Variants in ADARB2 observed in about 807,000 individuals in gnomAD.
ADARB2 encodes the protein adenosine deaminase RNA specific B2 (inactive).
Under a neutral mutation model 62.2 loss-of-function variants are expected in ADARB2, and 25 were observed. The observed-to-expected ratio is 0.40, with a 90% CI of 0.29 to 0.56. The LOEUF (loss-of-function observed/expected upper bound fraction) is 0.56, where lower values mean the gene tolerates loss of function less well. Ranked by LOEUF, ADARB2 falls within the 20% of genes least tolerant of loss-of-function variation. The pLI, the probability that ADARB2 is intolerant of heterozygous loss-of-function variation, is 0.43. For synonymous variants in ADARB2, 572 were observed against 500.8 expected (o/e 1.14, Z -1.90); for missense variants, 1,071 against 1,077.4 (o/e 0.99, Z 0.08).
chr10:1,379,222 T>C, intron 1 of ADARB2, 62 bp from the exon 2 acceptor site: 2 of 1,315,960 alleles, frequency 1.5e-6, no homozygotes, highest in Non-Finnish European at 2.2e-6. Flanking sequence ...CTCAATGCTT[T>C]TATAAGTTCT....
chr10:1,672,883 G>T (rs1834409785), intron 1 of ADARB2, among the ~76,000 whole-genome samples: 1 of 152,212 alleles, frequency 6.6e-6, no homozygotes, highest in South Asian at 2.1e-4. Flanking sequence ...GCTAGAAATG[G>T]AGAGTAATTA....
At chr10:1,522,841 C>G (rs1371166149) in intron 1 of ADARB2, among the ~76,000 whole-genome samples, 1 of 152,202 alleles carries the variant, frequency 6.6e-6, no homozygotes. Flanking sequence ...GGCCAGGCCC[C>G]TTCATGCTGG....
chr10:1,730,795 T>G (rs988634274), intron 1 of ADARB2, among the ~76,000 whole-genome samples: 2 of 152,212 alleles, frequency 1.3e-5, no homozygotes, highest in African/African-American at 4.8e-5. Flanking sequence ...GAACGTTAAC[T>G]ATTGATCATT....
intron 1 of ADARB2, among the ~76,000 whole-genome samples, chr10:1,452,080 C>A (rs1254738326): frequency 6.6e-6 from 1 of 152,180 alleles, no homozygotes; most frequent in Non-Finnish European, 1.5e-5. Context: ...TGCACCCCTG[C>A]TGGTCAGAGC....
At chr10:1,531,472 T>G (rs1029594367) in intron 1 of ADARB2, among the ~76,000 whole-genome samples, 7 of 152,204 alleles carry the variant, frequency 4.6e-5, no homozygotes, top group African/African-American at 1.7e-4. Context: ...CCACACCAAC[T>G]GCAGCTCAGT....
chr10:1,240,452 C>T (rs1322716016), intron 5 of ADARB2: 1 of 151,748 alleles, frequency 6.6e-6, no homozygotes, highest in Non-Finnish European at 1.5e-5. Flanking sequence ...CTGTGGGGCC[C>T]TGAGATCACA....
chr10:1,664,117 C>T (rs959959127), intron 1 of ADARB2, among the ~76,000 whole-genome samples: 111 of 151,404 alleles, frequency 7.3e-4, no homozygotes, highest in Non-Finnish European at 1.8e-4. Context: ...TGTGTGTGTC[C>T]GCGTTTCCAT....
chr10:1,502,113 T>TCCA (rs1831774748), intron 1 of ADARB2, among the ~76,000 whole-genome samples: 1 of 152,216 alleles, frequency 6.6e-6, no homozygotes, highest in Non-Finnish European at 1.5e-5. Flanking sequence ...CCACACAGTG[T>TCCA]CCACCTGGGT....
At chr10:1,619,289 T>TAAAAAAAAAAAAAAAAAAAGA (rs1833680692) in intron 1 of ADARB2, among the ~76,000 whole-genome samples, 1 of 115,766 alleles carries the variant, frequency 8.6e-6, no homozygotes. Context: ...ACATTGAAAG[T>TAAAAAAAAAAAAAAAAAAAGA]AAAAAAAAAA....
intron 3 of ADARB2, among the ~76,000 whole-genome samples, chr10:1,298,656 C>G (rs61832041): frequency 0.14 from 20,751 of 149,580 alleles, 1,830 homozygotes; most frequent in Non-Finnish European, 0.2. Context: ...GAGCTCCCCT[C>G]AAGGGCACGT....
intron 1 of ADARB2, among the ~76,000 whole-genome samples, chr10:1,503,792 C>A (rs532876358): frequency 5.3e-5 from 8 of 152,090 alleles, no homozygotes; most frequent in African/African-American, 1.9e-4. Flanking sequence ...TGTAGCCCTG[C>A]CCACGCCCCG....
chr10:1,402,504 G>T (rs2805523), intron 1 of ADARB2, among the ~76,000 whole-genome samples: 108,738 of 152,070 alleles, frequency 0.72, 39,266 homozygotes, highest in East Asian at 0.99. Flanking sequence ...ATGCGGGCTG[G>T]TGCAGTATGT....
At chr10:1,243,688 G>T (rs1213377266) in intron 4 of ADARB2, among the ~76,000 whole-genome samples, 2 of 152,218 alleles carry the variant, frequency 1.3e-5, no homozygotes, top group East Asian at 3.8e-4. Context: ...GAAGTAACCT[G>T]CAGAGGCCCA....
intron 1 of ADARB2, among the ~76,000 whole-genome samples, chr10:1,601,908 C>A (rs1392594554): frequency 6.6e-6 from 1 of 152,222 alleles, no homozygotes; most frequent in Non-Finnish European, 1.5e-5. Flanking sequence ...GAGGGGGTCC[C>A]ATTCCCTTTG....
chr10:1,205,597 T>A (rs1225111407), intron 7 of ADARB2, among the ~76,000 whole-genome samples: 1 of 152,220 alleles, frequency 6.6e-6, no homozygotes, highest in Non-Finnish European at 1.5e-5. Flanking sequence ...AAAATTCACA[T>A]GGAATCCTCA....
chr10:1,194,798 G>A (rs1440505486), intron 8 of ADARB2, among the ~76,000 whole-genome samples: 1 of 152,104 alleles, frequency 6.6e-6, no homozygotes, highest in East Asian at 1.9e-4. Context: ...TTTAGAAAAT[G>A]TCCTTTCTCC....
chr10:1,447,725 C>T (rs1830989247), intron 1 of ADARB2, among the ~76,000 whole-genome samples: 1 of 152,102 alleles, frequency 6.6e-6, no homozygotes, highest in Non-Finnish European at 1.5e-5. Flanking sequence ...TCTCCATCCT[C>T]CTTTCACCTC....
intron 1 of ADARB2, among the ~76,000 whole-genome samples, chr10:1,724,234 C>G (rs1426654444): frequency 6.6e-6 from 1 of 152,206 alleles, no homozygotes; most frequent in Non-Finnish European, 1.5e-5. Flanking sequence ...GCTTTTTCTG[C>G]TGCTGGCTTT....
chr10:1,681,212 T>C (rs1387356029), intron 1 of ADARB2, among the ~76,000 whole-genome samples: 1 of 152,238 alleles, frequency 6.6e-6, no homozygotes, highest in African/African-American at 2.4e-5. Flanking sequence ...TTTATTTTGC[T>C]CAGGGAGAAA....
Sources: gnomAD v4.1 joint callset for allele counts (sites outside exome capture counted in the v4.1 genomes callset) on GRCh38, gnomAD v4.1.1 for gene constraint, MANE v1.5 for transcripts, NCBI Gene and HGNC (gene_info 2026-07-23, HGNC 2026-07-21) for gene names.